GALNT13: variants seen among roughly 807,000 people sequenced by gnomAD.
GALNT13 encodes the protein polypeptide N-acetylgalactosaminyltransferase 13, also known as UDP-GalNAc:polypeptide N-acetylgalactosaminyltransferase 13.
In GALNT13, 28 loss-of-function variants were observed where a neutral mutation model predicts 64.2. That is an observed-to-expected ratio of 0.44 (90% CI 0.32 to 0.60). The LOEUF (loss-of-function observed/expected upper bound fraction) is 0.60. GALNT13 is among the 20% of genes least tolerant of loss of function. GALNT13 has a pLI of 0.05. For synonymous variants in GALNT13, 214 were observed against 224.6 expected (o/e 0.95, Z 0.42); for missense variants, 577 against 669.8 (o/e 0.86, Z 1.53).
At chr2:154,434,725 A>T (rs1242003344) in intron 11 of GALNT13, among the ~76,000 whole-genome samples, 3 of 152,168 alleles carry the variant, frequency 2.0e-5, no homozygotes, top group Non-Finnish European at 4.4e-5. Context: ...TCATAATTTT[A>T]CAGTTGAGAC....
At chr2:153,876,939 A>G (rs1686423476) in intron 1 of GALNT13, among the ~76,000 whole-genome samples, 1 of 152,076 alleles carries the variant, frequency 6.6e-6, no homozygotes, top group African/African-American at 2.4e-5. Flanking sequence ...AGTCCTCATG[A>G]ACTGTCAGGC....
At chr2:153,961,399 C>A (rs1363798187) in intron 3 of GALNT13, among the ~76,000 whole-genome samples, 2 of 152,068 alleles carry the variant, frequency 1.3e-5, no homozygotes, top group East Asian at 3.9e-4. Context: ...ATATTCTATG[C>A]AAATACTTAA....
chr2:154,419,256 G>A (rs752452284), intron 11 of GALNT13, among the ~76,000 whole-genome samples: 8 of 152,084 alleles, frequency 5.3e-5, no homozygotes, highest in African/African-American at 1.4e-4. Context: ...TGATCCTGCC[G>A]AGTGTTGCCT....
chr2:153,185,220 T>G, the GALNT13 span, among the ~76,000 whole-genome samples: 1 of 152,218 alleles, frequency 6.6e-6, no homozygotes, highest in African/African-American at 2.4e-5. Context: ...ATTTATCTAT[T>G]TCTTCTAGAT....
At chr2:153,877,405 A>G (rs943260471) in intron 1 of GALNT13, among the ~76,000 whole-genome samples, 3 of 152,160 alleles carry the variant, frequency 2.0e-5, no homozygotes, top group African/African-American at 7.2e-5. Flanking sequence ...AACGTAATGC[A>G]TGTGGTGAGT....
intron 4 of GALNT13, among the ~76,000 whole-genome samples, chr2:154,190,200 A>C (rs1686497878): frequency 6.6e-6 from 1 of 152,188 alleles, no homozygotes; most frequent in Admixed American, 6.5e-5. Flanking sequence ...TTACCTATTC[A>C]TGGAGAGCAA....
chr2:153,684,566 C>T, the GALNT13 span, among the ~76,000 whole-genome samples: 2,421 of 151,786 alleles, frequency 0.016, 52 homozygotes, highest in African/African-American at 0.054. Flanking sequence ...TATTTGGCCA[C>T]AATGATTCTC....
At chr2:153,678,705 A>C in the GALNT13 span, among the ~76,000 whole-genome samples, 1 of 152,006 alleles carries the variant, frequency 6.6e-6, no homozygotes, top group Non-Finnish European at 1.5e-5. Context: ...AAGTAGGAGA[A>C]ATGGACTTGC....
chr2:153,787,967 G>A, the GALNT13 span, among the ~76,000 whole-genome samples: 1 of 152,136 alleles, frequency 6.6e-6, no homozygotes, highest in African/African-American at 2.4e-5. Context: ...CAAATCATTA[G>A]CATCCCTGAA....
chr2:154,138,371 T>TC (rs1404946672), intron 3 of GALNT13, among the ~76,000 whole-genome samples: 1 of 151,992 alleles, frequency 6.6e-6, no homozygotes, highest in Non-Finnish European at 1.5e-5. Context: ...AAGGTTTTGT[T>TC]CCCCTACAAA....
At chr2:154,299,886 C>A (rs1408233845) in intron 8 of GALNT13, among the ~76,000 whole-genome samples, 1 of 151,810 alleles carries the variant, frequency 6.6e-6, no homozygotes, top group East Asian at 1.9e-4. Flanking sequence ...GCTAGCATTA[C>A]ACTGTTTAAA....
the GALNT13 span, among the ~76,000 whole-genome samples, chr2:153,569,350 A>T: frequency 6.6e-6 from 1 of 151,940 alleles, no homozygotes; most frequent in African/African-American, 2.4e-5. Context: ...AAATATTTGA[A>T]TATACTCTTT....
chr2:154,327,084 T>C (rs1004537860), intron 9 of GALNT13, among the ~76,000 whole-genome samples: 7 of 152,072 alleles, frequency 4.6e-5, no homozygotes, highest in African/African-American at 1.7e-4. Context: ...GGTAATTGAA[T>C]CATGGGGCAG....
intron 9 of GALNT13, among the ~76,000 whole-genome samples, chr2:154,351,889 A>G (rs1696432021): frequency 6.6e-6 from 1 of 152,122 alleles, no homozygotes; most frequent in Admixed American, 6.5e-5. Context: ...AATAAAACAT[A>G]TTAATCAAGC....
intron 9 of GALNT13, among the ~76,000 whole-genome samples, chr2:154,362,656 C>T (rs1039623479): frequency 3.3e-5 from 5 of 152,094 alleles, no homozygotes; most frequent in African/African-American, 1.2e-4. Flanking sequence ...TAAGCCCAGA[C>T]AAATTGTTGA....
chr2:154,363,342 G>A (rs2105290870), intron 9 of GALNT13, among the ~76,000 whole-genome samples: 1 of 152,242 alleles, frequency 6.6e-6, no homozygotes, highest in African/African-American at 2.4e-5. Context: ...TATGTCTATA[G>A]CATTTGTTTT....
At chr2:153,480,390 A>G in the GALNT13 span, among the ~76,000 whole-genome samples, 1 of 152,148 alleles carries the variant, frequency 6.6e-6, no homozygotes, top group Non-Finnish European at 1.5e-5. Flanking sequence ...ATCAGCTGCA[A>G]TAAGTTTGAT....
chr2:154,402,222 A>T (rs1699332124), intron 10 of GALNT13, among the ~76,000 whole-genome samples: 1 of 152,194 alleles, frequency 6.6e-6, no homozygotes, highest in Admixed American at 6.5e-5. Context: ...ATGAGTTTTT[A>T]AAACGGAAAG....
intron 9 of GALNT13, among the ~76,000 whole-genome samples, chr2:154,356,978 C>T (rs1696787529): frequency 1.3e-5 from 2 of 151,740 alleles, no homozygotes; most frequent in African/African-American, 4.8e-5. Context: ...TTTGATAATA[C>T]CTGTTTTTAT....
Sources: allele counts gnomAD v4.1 joint callset (sites outside exome capture counted in the v4.1 genomes callset), GRCh38; gene constraint gnomAD v4.1.1; transcripts MANE v1.5; gene names NCBI Gene and HGNC (gene_info 2026-07-23, HGNC 2026-07-21).